Variants in SOCS2 observed in about 807,000 individuals in gnomAD.
The protein encoded by SOCS2 is suppressor of cytokine signaling 2.
A neutral mutation model predicts 18.6 loss-of-function variants in SOCS2; 10 were observed. That is an observed-to-expected ratio of 0.54 (90% CI 0.33 to 0.91). The LOEUF is 0.91. Among genes scored for constraint, SOCS2 ranks in the 40% least tolerant of loss-of-function variants. The pLI is 0.02. For synonymous variants in SOCS2, 104 were observed against 104.0 expected, an observed-to-expected ratio of 1.00 and a Z score of 0.00; for missense variants, 231 against 247.2, an observed-to-expected ratio of 0.93 and a Z score of 0.44.
the SOCS2 span, among the ~76,000 whole-genome samples, chr12:93,608,586 C>T: frequency 6.6e-6 from 1 of 152,148 alleles, no homozygotes; most frequent in South Asian, 2.1e-4. Context: ...ACATATACTT[C>T]ATATACATGC....
the SOCS2 span, among the ~76,000 whole-genome samples, chr12:93,622,200 G>T: frequency 6.6e-6 from 1 of 152,174 alleles, no homozygotes; most frequent in African/African-American, 2.4e-5. Context: ...GGAGCTGAGG[G>T]CTGCTGATTT....
chr12:93,614,535 CCTTCCT>C, the SOCS2 span, among the ~76,000 whole-genome samples: 20 of 88,392 alleles, frequency 2.3e-4, 1 homozygote, highest in African/African-American at 1.2e-3. Context: ...TTCCTTCCTT[CCTTCCT>C]TCTTTCTTTC....
the SOCS2 span, among the ~76,000 whole-genome samples, chr12:93,614,996 T>G: frequency 6.6e-6 from 1 of 151,626 alleles, no homozygotes; most frequent in East Asian, 1.9e-4. Flanking sequence ...CAAAGGATCC[T>G]AGGGAGAAAT....
chr12:93,592,711 CTTGT>C, the SOCS2 span, among the ~76,000 whole-genome samples: 1 of 152,132 alleles, frequency 6.6e-6, no homozygotes, highest in Non-Finnish European at 1.5e-5. Flanking sequence ...ATCGAATAAA[CTTGT>C]TTATTTGCTA....
chr12:93,611,528 C>T, the SOCS2 span, among the ~76,000 whole-genome samples: 4 of 152,180 alleles, frequency 2.6e-5, no homozygotes, highest in Non-Finnish European at 5.9e-5. Context: ...TGAGCCACCT[C>T]GTCTGGCCAA....
chr12:93,611,914 G>A, the SOCS2 span, among the ~76,000 whole-genome samples: 1 of 151,346 alleles, frequency 6.6e-6, no homozygotes, highest in Non-Finnish European at 1.5e-5. Context: ...TTGCTTCTCT[G>A]TTTTCTTTAC....
At chr12:93,595,202 T>C in the SOCS2 span, among the ~76,000 whole-genome samples, 38 of 152,282 alleles carry the variant, frequency 2.5e-4, no homozygotes, top group African/African-American at 8.2e-4. Context: ...CTTTTTCTAG[T>C]AGACATTTAT....
In SOCS2 at chr12:93,573,098, G is replaced by C. The variant is rs1433068507; in HGVS notation, c.139+62G>C. 4 of 1,535,600 alleles carry C rather than the reference G, an allele frequency of 2.6e-6. No individual in the cohort carries two copies. In the Admixed American group the frequency reaches 7.9e-5, roughly 30 times the overall value. On this transcript the variant is annotated intron_variant, in intron 1 of 1. Coordinates refer to ENST00000551556, the MANE Select transcript of SOCS2 (RefSeq NM_001270471.2). ...AGCGCCTCCCCAAGGAAGCAGCTAG[G>C]AAGCGGGGTCGAGGTGGGAAGCAAA...
upstream of SOCS2, chr12:93,571,692 C>T: frequency 3.6e-6 from 1 of 279,132 alleles, no homozygotes. Context: ...CTTTTGTGTG[C>T]CCTCTGCGCA....
chr12:93,577,338 T>C (rs1954480537), downstream of SOCS2, among the ~76,000 whole-genome samples: 2 of 152,224 alleles, frequency 1.3e-5, no homozygotes, highest in Admixed American at 1.3e-4. Flanking sequence ...TGGTTTTGTT[T>C]TGTTTTTTTA....
chr12:93,610,064 T>A, the SOCS2 span, among the ~76,000 whole-genome samples: 1 of 152,160 alleles, frequency 6.6e-6, no homozygotes, highest in Non-Finnish European at 1.5e-5. Context: ...CTTTTAAAGG[T>A]CCCATCTCCC....
chr12:93,579,211 A>G (rs11107115), downstream of SOCS2, among the ~76,000 whole-genome samples: 29,146 of 152,124 alleles, frequency 0.19, 3,431 homozygotes, highest in East Asian at 0.43. Context: ...GGCATAAGGG[A>G]TAGTTAATTC....
At chr12:93,623,210 T>C in the SOCS2 span, among the ~76,000 whole-genome samples, 1 of 152,108 alleles carries the variant, frequency 6.6e-6, no homozygotes, top group South Asian at 2.1e-4. Flanking sequence ...CGAGATCTGA[T>C]GGTTTAAGTG....
chr12:93,614,485 TTCCTTCCTTCCTTCCTTCC>T, the SOCS2 span, among the ~76,000 whole-genome samples: 4 of 29,416 alleles, frequency 1.4e-4, 1 homozygote, highest in African/African-American at 3.8e-4. Context: ...CTTCCTTTCC[TTCCTTCCTTCCTTCCTTCC>T]TTCCTTCCTT....
At chr12:93,604,807 C>T in the SOCS2 span, among the ~76,000 whole-genome samples, 4 of 151,940 alleles carry the variant, frequency 2.6e-5, no homozygotes, top group East Asian at 2.0e-4. Context: ...TACAGGTGCA[C>T]GGCCCCACAC....
chr12:93,614,486 TCC>T, the SOCS2 span, among the ~76,000 whole-genome samples: 16 of 26,070 alleles, frequency 6.1e-4, no homozygotes, highest in African/African-American at 3.0e-3. Context: ...TTCCTTTCCT[TCC>T]TTCCTTCCTT....
At chr12:93,594,978 G>C in the SOCS2 span, among the ~76,000 whole-genome samples, 1 of 152,262 alleles carries the variant, frequency 6.6e-6, no homozygotes, top group Admixed American at 6.5e-5. Flanking sequence ...GGGATTTATT[G>C]AGAGTTCTTT....
At position 93,574,993 on chromosome 12, in the gene SOCS2, G is replaced by T; in HGVS notation, c.411G>T (p.Arg137=). The part of the protein sequence containing the change: ...DYYVQMCKDK[R]TGPEAPRNGT... ...ATGTTCAGATGTGCAAGGATAAGCG[G>T]ACAGGTCCAGAAGCCCCCCGGAACG... is the stretch of plus-strand genomic sequence containing the variant. The change falls in exon 2 of 2, where the codon CGG becomes CGT. Residue 137 remains arginine (R), a synonymous_variant. Coordinates refer to ENST00000551556, the MANE Select transcript of SOCS2 (RefSeq NM_001270471.2). 1 of 1,614,092 alleles carries T rather than the reference G, an allele frequency of 6.2e-7. No homozygotes were observed. The highest frequency in any genetic ancestry group is 8.5e-7 in the Non-Finnish European group (1 of 1,180,008).
chr12:93,606,706 G>A, the SOCS2 span, among the ~76,000 whole-genome samples: 1 of 152,156 alleles, frequency 6.6e-6, no homozygotes, highest in Non-Finnish European at 1.5e-5. Context: ...AGGCTGGAGT[G>A]CAATGGTGCA....
Sources: gnomAD v4.1 joint callset for allele counts (sites outside exome capture counted in the v4.1 genomes callset) on GRCh38, gnomAD v4.1.1 for gene constraint, MANE v1.5 for transcripts, NCBI Gene and HGNC (gene_info 2026-07-23, HGNC 2026-07-21) for gene names.